The following MRE11 variants were observed in gnomAD, a reference collection of about 807,000 sequenced individuals.
The protein encoded by MRE11 is double-strand break repair protein MRE11.
MRE11 carries 62 observed loss-of-function variants against 91.7 expected under a neutral mutation model. That is an observed-to-expected ratio of 0.68 (90% CI 0.55 to 0.84). MRE11 has a LOEUF of 0.84. Among genes scored for constraint, MRE11 ranks in the 40% least tolerant of loss-of-function variants. The pLI is 0.00. For synonymous variants in MRE11, 273 were observed against 271.4 expected (o/e 1.01, Z -0.06); for missense variants, 796 against 852.9 (o/e 0.93, Z 0.83).
intron 14 of MRE11, among the ~76,000 whole-genome samples, chr11:94,449,883 A>G (rs1171973799): frequency 6.6e-6 from 1 of 152,198 alleles, no homozygotes; most frequent in Non-Finnish European, 1.5e-5. Context: ...TTATAATCTC[A>G]TGGGACCACC....
chr11:94,502,785 T>C, the MRE11 span, among the ~76,000 whole-genome samples: 1 of 152,178 alleles, frequency 6.6e-6, no homozygotes. Context: ...GTGATTCTCA[T>C]GCCTCAGCCT....
chr11:94,500,502 C>T, the MRE11 span, among the ~76,000 whole-genome samples: 23 of 152,244 alleles, frequency 1.5e-4, no homozygotes, highest in Middle Eastern at 3.4e-3. Flanking sequence ...CAGTTTAGGC[C>T]GGCTAAATAG....
chr11:94,467,766 T>C (rs1403446697), intron 10 of MRE11, 47 bp downstream of exon 10: 2 of 1,472,974 alleles, frequency 1.4e-6, no homozygotes, highest in South Asian at 2.3e-5. Flanking sequence ...TGTACATTAC[T>C]ATGCTTTGAA....
intron 18 of MRE11, among the ~76,000 whole-genome samples, chr11:94,431,283 GT>G (rs13447722): frequency 0.017 from 2,581 of 152,272 alleles, 83 homozygotes; most frequent in African/African-American, 0.059. Flanking sequence ...AGGTTCAGAG[GT>G]AGCAGATTAG....
At chr11:94,479,821 T>C (rs1022307233) in intron 4 of MRE11, 60 bp from the exon 5 acceptor site, 5 of 1,353,960 alleles carry the variant, frequency 3.7e-6, no homozygotes, top group Non-Finnish European at 5.2e-6. Context: ...TTCCCTAAGA[T>C]TCTCCTCCAA....
intron 3 of MRE11, among the ~76,000 whole-genome samples, chr11:94,490,085 C>A (rs1168622788): frequency 1.3e-5 from 2 of 152,184 alleles, no homozygotes; most frequent in Non-Finnish European, 2.9e-5. Flanking sequence ...GTCTCCAATT[C>A]ATGGTATTAT....
At chr11:94,425,196 G>A (rs560152807) in intron 19 of MRE11, among the ~76,000 whole-genome samples, 2 of 152,180 alleles carry the variant, frequency 1.3e-5, no homozygotes, top group South Asian at 2.1e-4. Context: ...CCTATTTTCT[G>A]CATCCTTAAA....
At chr11:94,477,206 A>C (rs1457749910) in intron 6 of MRE11, among the ~76,000 whole-genome samples, 1 of 152,158 alleles carries the variant, frequency 6.6e-6, no homozygotes, top group Non-Finnish European at 1.5e-5. Flanking sequence ...TATACTTTTG[A>C]TCTAATATAT....
At chr11:94,498,679 T>A, upstream of MRE11, 2 of 689,686 alleles carry the variant, frequency 2.9e-6, no homozygotes, top group South Asian at 3.9e-5. Flanking sequence ...TTGCCTGACT[T>A]TGATGTCAAA....
intron 7 of MRE11, among the ~76,000 whole-genome samples, chr11:94,474,051 A>G (rs751461913): frequency 1.3e-5 from 2 of 152,130 alleles, no homozygotes; most frequent in African/African-American, 2.4e-5. Context: ...ATATACACAT[A>G]TATCTATTCC....
At chr11:94,485,876 A>G in intron 4 of MRE11, 48 bp downstream of exon 4, 1 of 1,568,444 alleles carries the variant, frequency 6.4e-7, no homozygotes, top group Non-Finnish European at 8.8e-7. Context: ...TTATACAGCA[A>G]ATACCATACA....
At chr11:94,438,829 C>A (rs988708781) in intron 16 of MRE11, among the ~76,000 whole-genome samples, 2 of 152,132 alleles carry the variant, frequency 1.3e-5, no homozygotes, top group African/African-American at 4.8e-5. Flanking sequence ...AGTGTTAATA[C>A]TTCATGCAGA....
intron 19 of MRE11, among the ~76,000 whole-genome samples, chr11:94,426,687 A>G (rs533605752): frequency 6.6e-6 from 1 of 152,256 alleles, no homozygotes; most frequent in South Asian, 2.1e-4. Context: ...AAAAGAGAAG[A>G]TCCAACTAAG....
At chr11:94,482,695 A>C (rs1287037190) in intron 4 of MRE11, among the ~76,000 whole-genome samples, 4 of 152,268 alleles carry the variant, frequency 2.6e-5, no homozygotes, top group Admixed American at 2.6e-4. Flanking sequence ...ACACTTTCGG[A>C]GGCCAAGTCG....
intron 13 of MRE11, 84 bp from the exon 14 acceptor site, chr11:94,456,422 C>A: frequency 9.4e-7 from 1 of 1,058,978 alleles, no homozygotes; most frequent in Non-Finnish European, 1.4e-6. Context: ...TTAAGAAATG[C>A]TTTATGTTAT....
chr11:94,504,368 G>C, the MRE11 span, among the ~76,000 whole-genome samples: 1 of 152,056 alleles, frequency 6.6e-6, no homozygotes, highest in African/African-American at 2.4e-5. Flanking sequence ...ATATCTTCAG[G>C]GGGGCCTGTT....
upstream of MRE11, chr11:94,498,448 A>G (rs1158871838): frequency 6.2e-7 from 1 of 1,613,958 alleles, no homozygotes; most frequent in Non-Finnish European, 8.5e-7. Flanking sequence ...AAGAAACTGC[A>G]TTTGATATTG....
intron 4 of MRE11, among the ~76,000 whole-genome samples, chr11:94,481,057 C>T (rs886970598): frequency 1.3e-5 from 2 of 152,024 alleles, no homozygotes; most frequent in Non-Finnish European, 2.9e-5. Context: ...ATCTGTAATC[C>T]CAGCACTTTG....
intron 14 of MRE11, among the ~76,000 whole-genome samples, chr11:94,454,830 T>G (rs185435941): frequency 2.0e-5 from 3 of 152,266 alleles, no homozygotes; most frequent in African/African-American, 7.2e-5. Flanking sequence ...CCCTGTTAAA[T>G]TGAAAGGGTT....
Sources: gnomAD v4.1 joint callset for allele counts (sites outside exome capture counted in the v4.1 genomes callset) on GRCh38, gnomAD v4.1.1 for gene constraint, MANE v1.5 for transcripts, NCBI Gene and HGNC (gene_info 2026-07-23, HGNC 2026-07-21) for gene names.